RBM25: variants seen among roughly 807,000 people sequenced by gnomAD.
RBM25 encodes the protein RNA binding motif protein 25.
A neutral mutation model predicts 120.7 loss-of-function variants in RBM25; 19 were observed. That is an observed-to-expected ratio of 0.16 (90% CI 0.11 to 0.23). The LOEUF (loss-of-function observed/expected upper bound fraction) is 0.23, where lower values mean the gene tolerates loss of function less well. Ranked by LOEUF, RBM25 falls within the 10% of genes least tolerant of loss-of-function variation. The pLI is 1.00. For synonymous variants in RBM25, 390 were observed against 326.7 expected, an observed-to-expected ratio of 1.19 and a Z score of -2.09; for missense variants, 605 against 1,041.5, an observed-to-expected ratio of 0.58 and a Z score of 5.77.
chr14:73,103,575 T>C, intron 10 of RBM25, 97 bp downstream of exon 10: 2 of 1,470,276 alleles, frequency 1.4e-6, no homozygotes, highest in Non-Finnish European at 9.0e-7. Context: ...TGAGAACTTT[T>C]GTGTGTGTGT....
chr14:73,068,218 G>A (rs1895188894), intron 1 of RBM25: 1 of 858,818 alleles, frequency 1.2e-6, no homozygotes, highest in Non-Finnish European at 2.0e-6. Context: ...TGTTTCCATT[G>A]ATACAGATGA....
intron 2 of RBM25, among the ~76,000 whole-genome samples, chr14:73,072,318 A>C (rs1895315665): frequency 6.6e-6 from 1 of 151,588 alleles, no homozygotes; most frequent in Admixed American, 6.6e-5. Flanking sequence ...CACATTGTTC[A>C]AAAACAAAAA....
At chr14:73,115,989 G>C (rs1896418685) in intron 18 of RBM25, among the ~76,000 whole-genome samples, 1 of 152,170 alleles carries the variant, frequency 6.6e-6, no homozygotes, top group Non-Finnish European at 1.5e-5. Context: ...ACTCATTTAA[G>C]TGGGGGGAAA....
At chr14:73,093,653 C>G (rs1263625950) in intron 6 of RBM25, among the ~76,000 whole-genome samples, 1 of 151,904 alleles carries the variant, frequency 6.6e-6, no homozygotes, top group African/African-American at 2.4e-5. Flanking sequence ...AGTACAGGCA[C>G]CCGCCACCAC....
At chr14:73,064,681 C>T (rs1345317527) in intron 1 of RBM25, among the ~76,000 whole-genome samples, 1 of 151,286 alleles carries the variant, frequency 6.6e-6, no homozygotes, top group Non-Finnish European at 1.5e-5. Context: ...ATGTGAGCCA[C>T]CGCGCCCAGG....
chr14:73,060,330 C>T (rs1341354395), intron 1 of RBM25, among the ~76,000 whole-genome samples: 4 of 151,458 alleles, frequency 2.6e-5, no homozygotes, highest in East Asian at 1.9e-4. Context: ...CCACCGTGCC[C>T]GGCCTTCTGA....
rs1277360311 is a variant in RBM25 at position 73,088,112 on chromosome 14, C to CA, written c.497dup (p.Ala167GlyfsTer5). On this transcript the variant is annotated frameshift_variant, in exon 6 of 19. Transcript: ENST00000261973. LOFTEE classifies it high-confidence loss of function. ...CTACTCGTTAAAGTTGATGCAAAGA[C>CA]AAAGGCACAGCTGGATGAATGGAAA... 6.2e-7 allele frequency: 1 copy of CA among 1,614,138 alleles called. No homozygotes were observed. Among genetic ancestry groups the CA allele is most frequent in the Admixed American group, 1.7e-5 (1 of 60,000 alleles).
At position 73,122,078 on chromosome 14, in the gene RBM25, T is replaced by C. The variant is rs562240358; in HGVS notation, c.*2273T>C. On this transcript the variant is annotated 3_prime_UTR_variant, in exon 19 of 19. Transcript: ENST00000261973. ...TTTTTAGAATTGTATATATAAAGAA[T>C]TAGACATTAAACAGGCATATTCTAG... is the stretch of plus-strand genomic sequence containing the variant. 1.3e-5 allele frequency: 2 copies of C among 152,316 alleles called. No individual in the cohort carries two copies. Among genetic ancestry groups the C allele is most frequent in the Admixed American group, 6.5e-5 (1 of 15,298 alleles). The allele number at this position is 152,316 out of a possible 1,614,324, so 9.4% of individuals were successfully genotyped here.
rs775894390 is a variant in RBM25, at chr14:73,103,416, G to T, written c.1092G>T (p.Glu364Asp). ...AGAGAGACCGAGATCGGGATCGAGA[G>T]AGAGATCGTGACCGGGATAGAGAAA... Reference protein sequence around the residue: ...TKERDRDRDRERDRDRDRERS... With the variant: ...TKERDRDRDRDRDRDRDRERS... Residue 364 changes from glutamate (E) to aspartate (D), a missense_variant, in exon 10 of 19, where the codon GAG becomes GAT. Glu to Asp is a conservative substitution (Grantham distance 45). Around this residue, in one of 4 missense-constraint regions of RBM25, gnomAD observed 465 missense variants for 741.6 expected, o/e 0.63. Coordinates refer to ENST00000261973, the MANE Select transcript of RBM25 (RefSeq NM_021239.3). 1.1e-5 allele frequency: 17 copies of T among 1,613,644 alleles called. No individual in the cohort carries two copies. The highest frequency in any genetic ancestry group is 1.4e-5 in the Non-Finnish European group (17 of 1,179,888).
intron 1 of RBM25, among the ~76,000 whole-genome samples, chr14:73,070,273 T>A (rs1594898331): frequency 6.6e-6 from 1 of 152,008 alleles, no homozygotes; most frequent in African/African-American, 2.4e-5. Flanking sequence ...GTGAGGCTGG[T>A]CTCGAACTCC....
intron 5 of RBM25, 125 bp from the exon 6 acceptor site, chr14:73,087,876 G>T: frequency 2.3e-6 from 2 of 879,610 alleles, no homozygotes; most frequent in South Asian, 1.9e-5. Flanking sequence ...GTGGACAGGG[G>T]TGGAATTATG....
At chr14:73,087,769 T>C (rs1041759392) in intron 5 of RBM25, among the ~76,000 whole-genome samples, 3 of 152,216 alleles carry the variant, frequency 2.0e-5, no homozygotes, top group African/African-American at 7.2e-5. Context: ...AGTAGCAGTT[T>C]GTCTGATTTG....
chr14:73,065,617 G>A (rs775405868), intron 1 of RBM25, among the ~76,000 whole-genome samples: 6 of 151,150 alleles, frequency 4.0e-5, no homozygotes, highest in African/African-American at 7.3e-5. Context: ...ACGGGGTTTC[G>A]CCGTGTTGGC....
At chr14:73,088,938 C>T (rs1430723839) in intron 6 of RBM25, among the ~76,000 whole-genome samples, 3 of 152,234 alleles carry the variant, frequency 2.0e-5, no homozygotes, top group African/African-American at 7.2e-5. Context: ...GTCAGGAGTT[C>T]GAGACCAGCC....
chr14:73,083,345 G>A (rs536212046), intron 4 of RBM25, 149 bp from the exon 5 acceptor site: 1 of 550,392 alleles, frequency 1.8e-6, no homozygotes, highest in African/African-American at 2.0e-5. Flanking sequence ...TGATAAGTTT[G>A]TGGGAATTGC....
intron 18 of RBM25, among the ~76,000 whole-genome samples, chr14:73,114,993 C>G (rs362415): frequency 0.085 from 12,980 of 152,250 alleles, 658 homozygotes; most frequent in Middle Eastern, 0.21. Flanking sequence ...GAACAAATGA[C>G]CTGTAGTAGC....
At chr14:73,107,357 AATTT>A (rs1319529147) in intron 12 of RBM25, 1 of 153,760 alleles carries the variant, frequency 6.5e-6, no homozygotes, top group Non-Finnish European at 1.4e-5. Context: ...TGAAAACTAA[AATTT>A]AAGAGGACAA....
At chr14:73,117,217 T>C (rs891068279) in intron 18 of RBM25, among the ~76,000 whole-genome samples, 27 of 24,212 alleles carry the variant, frequency 1.1e-3, no homozygotes, top group African/African-American at 2.7e-3. Context: ...TTTCTTTTTT[T>C]TTTTTTTTTT....
chr14:73,117,512 T>C (rs778187250), intron 18 of RBM25, among the ~76,000 whole-genome samples: 1 of 152,186 alleles, frequency 6.6e-6, no homozygotes, highest in Non-Finnish European at 1.5e-5. Flanking sequence ...ATTACAGGCG[T>C]GAGCCACTGT....
Sources: gnomAD v4.1 joint callset for allele counts (sites outside exome capture counted in the v4.1 genomes callset) on GRCh38, gnomAD v4.1.1 for gene constraint, gnomAD v4.1.1 regional missense constraint, MANE v1.5 for transcripts, NCBI Gene and HGNC (gene_info 2026-07-23, HGNC 2026-07-21) for gene names.